The following ABCC12 variants were observed in gnomAD, a reference collection of about 807,000 sequenced individuals.
ABCC12 encodes ATP-binding cassette sub-family C member 12.
A neutral mutation model predicts 151.1 loss-of-function variants in ABCC12; 142 were observed. The ratio of observed to expected loss-of-function variants is 0.94; its 90% confidence interval spans 0.82 to 1.08. The LOEUF is 1.08. ABCC12 is among the 50% of genes least tolerant of loss of function. The pLI is 0.00. For missense variants in ABCC12, 1,638 were observed against 1,691.1 expected, an observed-to-expected ratio of 0.97 and a Z score of 0.55; for synonymous variants, 645 against 646.4, an observed-to-expected ratio of 1.00 and a Z score of 0.03.
At chr16:48,103,513 A>G (rs2150603766) in intron 22 of ABCC12, among the ~76,000 whole-genome samples, 1 of 152,332 alleles carries the variant, frequency 6.6e-6, no homozygotes, top group East Asian at 1.9e-4. Flanking sequence ...GAGAGAGGAA[A>G]CTGAGGTTTG....
At chr16:48,119,673 A>T (rs192582508) in intron 13 of ABCC12, among the ~76,000 whole-genome samples, 127 of 152,368 alleles carry the variant, frequency 8.3e-4, no homozygotes, top group African/African-American at 2.8e-3. Context: ...ACCAGCCAGC[A>T]GGGACAGAGT....
intron 12 of ABCC12, among the ~76,000 whole-genome samples, chr16:48,123,600 A>AT (rs1009601032): frequency 4.7e-4 from 72 of 151,978 alleles, no homozygotes; most frequent in African/African-American, 1.5e-3. Flanking sequence ...AGGACTTAGC[A>AT]TTTTTTTTCC....
chr16:48,133,103 A>G (rs1597320484), intron 9 of ABCC12, among the ~76,000 whole-genome samples: 1 of 150,780 alleles, frequency 6.6e-6, no homozygotes, highest in Admixed American at 6.6e-5. Flanking sequence ...TTTGGTTTCC[A>G]TTTTTTTTTC....
At chr16:48,139,373 A>T in intron 6 of ABCC12, 37 bp from the exon 7 acceptor site, 1 of 1,560,764 alleles carries the variant, frequency 6.4e-7, no homozygotes, top group Non-Finnish European at 8.6e-7. Context: ...GCTTTGGAAG[A>T]GTCAGTCAAA....
chr16:48,150,556 C>G (rs1199556775), intron 2 of ABCC12, among the ~76,000 whole-genome samples: 5 of 152,098 alleles, frequency 3.3e-5, no homozygotes, highest in Admixed American at 3.3e-4. Context: ...ATACAATACA[C>G]AAATTCATGT....
chr16:48,113,941 C>A (rs554149484), intron 15 of ABCC12, among the ~76,000 whole-genome samples: 23 of 152,292 alleles, frequency 1.5e-4, no homozygotes, highest in African/African-American at 4.6e-4. Flanking sequence ...GCCCTCCCTG[C>A]TGCAGGGTGT....
At chr16:48,136,305 T>C (rs1430930982) in intron 8 of ABCC12, among the ~76,000 whole-genome samples, 2 of 152,196 alleles carry the variant, frequency 1.3e-5, no homozygotes, top group African/African-American at 4.8e-5. Flanking sequence ...TCTCTGTGCG[T>C]CCCAATCCTT....
In ABCC12 at chr16:48,085,590, T is replaced by C. The variant is rs1207429013; in HGVS notation, c.3828+3A>G. 2 of 1,613,454 alleles carry C rather than the reference T, an allele frequency of 1.2e-6. No individual in the cohort carries two copies. The highest frequency in any genetic ancestry group is 1.3e-5 in the African/African-American group (1 of 74,898). On this transcript the variant is annotated splice_donor_region_variant and intron_variant, in intron 29 of 30. Coordinates refer to ENST00000311303, the MANE Select transcript of ABCC12 (RefSeq NM_001393797.1). ...GACCAATCCATTTTCCGTGTTTTCT[T>C]ACCTTTGAATTACGGAGAAGAGCTC...
chr16:48,091,487 T>C (rs1398243121), intron 24 of ABCC12, among the ~76,000 whole-genome samples: 1 of 152,226 alleles, frequency 6.6e-6, no homozygotes, highest in Non-Finnish European at 1.5e-5. Flanking sequence ...ACAGAACCAC[T>C]TGATCACACG....
At chr16:48,108,619 C>T (rs186565622) in intron 18 of ABCC12, 90 bp from the exon 19 acceptor site, 141 of 930,456 alleles carry the variant, frequency 1.5e-4, no homozygotes, top group African/African-American at 1.2e-3. Context: ...CTCCACAACA[C>T]GGCTAAGGGG....
rs1226026813 is a variant in ABCC12 at position 48,107,426 on chromosome 16, C to T, written c.2372-1G>A. 1.2e-6 allele frequency: 2 copies of T among 1,613,900 alleles called. No homozygotes were observed. Among genetic ancestry groups the T allele is most frequent in the South Asian group, 2.2e-5 (2 of 91,080 alleles). On this transcript the variant is annotated splice_acceptor_variant, in intron 19 of 30. Transcript: ENST00000311303. LOFTEE classifies it high-confidence loss of function. ...ACAGTGAAGAGAGAAAGGAGGTACC[C>T]TGCAAGAGGAGCGGAGAGGCCCAAG...
chr16:48,101,525 C>T (rs1466774006), intron 22 of ABCC12, among the ~76,000 whole-genome samples: 2 of 151,998 alleles, frequency 1.3e-5, no homozygotes, highest in Admixed American at 6.5e-5. Flanking sequence ...TGTGGAAGCT[C>T]CAGGAGCCCT....
chr16:48,101,107 C>T, intron 22 of ABCC12, 98 bp from the exon 23 acceptor site: 1 of 1,397,074 alleles, frequency 7.2e-7, no homozygotes, highest in Non-Finnish European at 9.6e-7. Context: ...CAGCACAGTG[C>T]TTAAGTCAGA....
rs143883010 is a variant in ABCC12, at chr16:48,123,082, C to T, written c.1587+1131G>A. The stretch of plus-strand genomic sequence containing the variant: ...CCACCACTGTCTCATGGGAGATAGA[C>T]TTAATGTTATCTCAAAATTTCCAAA... On this transcript the variant is annotated intron_variant, in intron 12 of 30. Transcript: ENST00000311303. Among the ~76,000 whole-genome samples the T allele has an allele frequency of 2.1e-3, 313 of 152,316 alleles. 1 individual carries two copies. The Middle Eastern group carries it at 0.027, about 13-fold the overall frequency.
At position 48,153,835 on chromosome 16, in the gene ABCC12, C is replaced by T. The variant is rs1232781477; in HGVS notation, c.-270G>A. The T allele has an allele frequency of 1.3e-5, 2 of 152,138 alleles. No individual in the cohort carries two copies. The highest frequency in any genetic ancestry group is 2.4e-5 in the African/African-American group (1 of 41,436). The allele number at this position is 152,138 out of a possible 1,614,324, so 9.4% of individuals were successfully genotyped here. On this transcript the variant is annotated 5_prime_UTR_variant, in exon 2 of 31. Transcript: ENST00000311303. ...CATGTGAAGTTTTGATGATCTGAGG[C>T]GGCTTGGAAGCATTGCAGCTGGAAT...
At chr16:48,132,639 G>A (rs563065015) in intron 9 of ABCC12, among the ~76,000 whole-genome samples, 7 of 151,698 alleles carry the variant, frequency 4.6e-5, no homozygotes, top group African/African-American at 1.7e-4. Context: ...TTAGCATTTC[G>A]TTATCTTTGG....
chr16:48,081,742 A>G lies in ABCC12; in HGVS notation c.*1973T>C, dbSNP rs990681188. 1.3e-5 allele frequency among the ~76,000 whole-genome samples: 2 copies of G among 152,214 alleles called. No homozygotes were observed. Among genetic ancestry groups the G allele is most frequent in the Non-Finnish European group, 2.9e-5 (2 of 68,036 alleles). On this transcript the variant is annotated 3_prime_UTR_variant, in exon 31 of 31. Coordinates refer to ENST00000311303, the MANE Select transcript of ABCC12 (RefSeq NM_001393797.1). ...AGTAAACCAAAGCGAGTGTGGGCAG[A>G]AAAGGAGTCATAGGAGGTGATTCAT... is the stretch of plus-strand genomic sequence containing the variant.
Position 48,141,348 on chromosome 16 carries a change from C to A in ABCC12, c.281G>T (p.Arg94Leu). 6.2e-7 allele frequency: 1 copy of A among 1,613,716 alleles called. No homozygotes were observed. Among genetic ancestry groups the A allele is most frequent in the Non-Finnish European group, 8.5e-7 (1 of 1,179,968 alleles). Residue 94 changes from arginine to leucine, a missense_variant, in exon 5 of 31, where the codon CGA becomes CTA. By Grantham distance (102) the Arg-to-Leu change is moderately radical. Coordinates refer to ENST00000311303, the MANE Select transcript of ABCC12 (RefSeq NM_001393797.1). Reference protein sequence around the residue: ...DSSDTNAKRFRVLWDEEVARV... With the variant: ...DSSDTNAKRFLVLWDEEVARV... The stretch of plus-strand genomic sequence containing the variant: ...TGCTACCTCTTCATCCCAAAGGACT[C>A]GAAATCTGTGATGAAAAAACAGAAG...
chr16:48,094,711 A>T (rs979513496), intron 24 of ABCC12, among the ~76,000 whole-genome samples: 1 of 147,218 alleles, frequency 6.8e-6, no homozygotes. Context: ...GGGCTCTCTG[A>T]ATAGTCCCCT....
Sources: allele counts gnomAD v4.1 joint callset (sites outside exome capture counted in the v4.1 genomes callset), GRCh38; gene constraint gnomAD v4.1.1; transcripts MANE v1.5; gene names NCBI Gene and HGNC (gene_info 2026-07-23, HGNC 2026-07-21).